CACNA2D1: variants seen among roughly 807,000 people sequenced by gnomAD.
CACNA2D1 encodes calcium voltage-gated channel auxiliary subunit alpha2delta 1.
In CACNA2D1, 53 loss-of-function variants were observed where a neutral mutation model predicts 171.5. That is an observed-to-expected ratio of 0.31 (90% confidence interval 0.25 to 0.39). The LOEUF is 0.39. Among genes scored for constraint, CACNA2D1 ranks in the 10% least tolerant of loss-of-function variants. CACNA2D1 has a pLI of 1.00. For synonymous variants in CACNA2D1, 442 were observed against 443.1 expected (o/e 1.00, Z 0.03); for missense variants, 903 against 1,299.8 (o/e 0.69, Z 4.69).
At chr7:82,333,598 T>G (rs1369588143) in intron 3 of CACNA2D1, among the ~76,000 whole-genome samples, 2 of 151,924 alleles carry the variant, frequency 1.3e-5, no homozygotes, top group African/African-American at 4.8e-5. Flanking sequence ...ATGATTCAAT[T>G]ACCTCCCACC....
At chr7:81,957,444 A>AGAGAAAGT (rs1793539283) in intron 38 of CACNA2D1, among the ~76,000 whole-genome samples, 1 of 152,140 alleles carries the variant, frequency 6.6e-6, no homozygotes, top group East Asian at 1.9e-4. Flanking sequence ...AAGAAAAATT[A>AGAGAAAGT]GAGAAAGTGA....
intron 1 of CACNA2D1, 143 bp downstream of exon 1, chr7:82,443,222 G>T (rs1486031115): frequency 1.4e-6 from 1 of 710,904 alleles, no homozygotes; most frequent in Non-Finnish European, 2.1e-6. Context: ...CCTGCCCGGC[G>T]TCTCCGCATC....
chr7:81,963,960 AATTTGAAT>A, intron 34 of CACNA2D1, 88 bp downstream of exon 34: 1 of 983,562 alleles, frequency 1.0e-6, no homozygotes, highest in Middle Eastern at 2.9e-4. Flanking sequence ...CCTTAATAAA[AATTTGAAT>A]ATCCCCTAAA....
chr7:82,064,938 A>G (rs114874708), intron 8 of CACNA2D1, among the ~76,000 whole-genome samples: 1,590 of 152,242 alleles, frequency 0.01, 27 homozygotes, highest in African/African-American at 0.036. Context: ...ACCCCGTGGA[A>G]TCAGAATCTC....
chr7:82,135,867 C>G (rs1348099301), intron 5 of CACNA2D1, among the ~76,000 whole-genome samples: 1 of 152,032 alleles, frequency 6.6e-6, no homozygotes, highest in Non-Finnish European at 1.5e-5. Context: ...CTTAAAATAA[C>G]TAAAATATAG....
chr7:81,959,249 T>C, intron 38 of CACNA2D1, 26 bp downstream of exon 38: 1 of 1,489,108 alleles, frequency 6.7e-7, no homozygotes, highest in Admixed American at 1.7e-5. Flanking sequence ...TTATAGTATT[T>C]TAATCCAGTA....
intron 1 of CACNA2D1, among the ~76,000 whole-genome samples, chr7:82,358,528 T>C (rs1419117895): frequency 6.6e-6 from 1 of 152,174 alleles, no homozygotes; most frequent in Non-Finnish European, 1.5e-5. Context: ...GTATTCCATT[T>C]TTGACTAGAG....
intron 6 of CACNA2D1, among the ~76,000 whole-genome samples, chr7:82,116,195 T>C (rs1266798100): frequency 2.0e-5 from 3 of 152,086 alleles, no homozygotes; most frequent in Non-Finnish European, 4.4e-5. Context: ...GGTGGAGGGA[T>C]GGGTTAAAGA....
intron 21 of CACNA2D1, among the ~76,000 whole-genome samples, chr7:81,989,479 C>T (rs966739123): frequency 2.0e-5 from 3 of 152,076 alleles, no homozygotes; most frequent in Non-Finnish European, 2.9e-5. Flanking sequence ...TATTTTTCTC[C>T]GTGAAATGGA....
intron 3 of CACNA2D1, among the ~76,000 whole-genome samples, chr7:82,333,580 C>A (rs1247469218): frequency 1.3e-5 from 2 of 151,672 alleles, no homozygotes; most frequent in Non-Finnish European, 1.5e-5. Context: ...TGGGAAAGAC[C>A]CGCCCCCATG....
chr7:82,088,571 TTTAA>T (rs1287198868), intron 6 of CACNA2D1, among the ~76,000 whole-genome samples: 1 of 152,240 alleles, frequency 6.6e-6, no homozygotes, highest in Non-Finnish European at 1.5e-5. Flanking sequence ...AAAGATTTTA[TTTAA>T]TTGTGGAAAT....
intron 3 of CACNA2D1, among the ~76,000 whole-genome samples, chr7:82,253,040 T>TTAAGGGTGTCCA (rs1805859346): frequency 6.6e-6 from 1 of 151,932 alleles, no homozygotes; most frequent in African/African-American, 2.4e-5. Context: ...AGGAATAAAA[T>TTAAGGGTGTCCA]TAAGGGTGTC....
At position 81,967,216 on chromosome 7, in the gene CACNA2D1, CAA is replaced by C. The variant is rs1384158610; in HGVS notation, c.2464-11_2464-10del. On this transcript the variant is annotated splice_polypyrimidine_tract_variant and intron_variant, in intron 30 of 38. Coordinates refer to ENST00000356860, the MANE Select transcript of CACNA2D1 (RefSeq NM_000722.4). ...CAAACTGGACCAGCACACTGAAAGA[CAA>C]AAATGCGATTATCACCTCACTTTTA... is the stretch of plus-strand genomic sequence containing the variant. 6.2e-7 allele frequency: 1 copy of C among 1,604,648 alleles called. No individual in the cohort carries two copies. The highest frequency in any genetic ancestry group is 1.7e-5 in the Admixed American group (1 of 59,630).
intron 22 of CACNA2D1, among the ~76,000 whole-genome samples, chr7:81,984,424 T>A (rs1796748623): frequency 6.6e-6 from 1 of 152,192 alleles, no homozygotes; most frequent in South Asian, 2.1e-4. Flanking sequence ...GGACTGCCAG[T>A]GAGACTGGAG....
At chr7:82,418,758 C>T (rs912797205) in intron 1 of CACNA2D1, among the ~76,000 whole-genome samples, 4 of 152,148 alleles carry the variant, frequency 2.6e-5, no homozygotes, top group Non-Finnish European at 4.4e-5. Context: ...TCTTTTCATA[C>T]TCACCAAGAT....
intron 1 of CACNA2D1, among the ~76,000 whole-genome samples, chr7:82,373,780 T>C (rs1221556839): frequency 6.6e-6 from 1 of 152,214 alleles, no homozygotes; most frequent in East Asian, 1.9e-4. Flanking sequence ...GTTGAATGTA[T>C]AAATAGTTAT....
At chr7:82,060,150 G>A (rs12671691) in intron 10 of CACNA2D1, among the ~76,000 whole-genome samples, 464 of 16,722 alleles carry the variant, frequency 0.028, 16 homozygotes, top group African/African-American at 0.061. Context: ...TTATATATAT[G>A]TATTATATAT....
intron 9 of CACNA2D1, among the ~76,000 whole-genome samples, chr7:82,060,946 T>A (rs1396596038): frequency 6.6e-6 from 1 of 152,172 alleles, no homozygotes. Flanking sequence ...ATAACAATTA[T>A]GATAACAGAT....
intron 1 of CACNA2D1, among the ~76,000 whole-genome samples, chr7:82,413,130 A>G (rs1391471711): frequency 6.6e-6 from 1 of 152,170 alleles, no homozygotes; most frequent in Non-Finnish European, 1.5e-5. Flanking sequence ...CTACCTCAGT[A>G]TTTCTCATAT....
Sources: gnomAD v4.1 joint callset for allele counts (sites outside exome capture counted in the v4.1 genomes callset) on GRCh38, gnomAD v4.1.1 for gene constraint, MANE v1.5 for transcripts, NCBI Gene and HGNC (gene_info 2026-07-23, HGNC 2026-07-21) for gene names.